The following LYRM4 variants were observed in gnomAD, a reference collection of about 807,000 sequenced individuals.
LYRM4 encodes the protein LYR motif-containing protein 4.
LYRM4 carries 9 observed loss-of-function variants against 11.7 expected under a neutral mutation model. The ratio of observed to expected loss-of-function variants is 0.77; its 90% CI spans 0.46 to 1.34. The LOEUF is 1.34. LYRM4 is among the 40% of genes most tolerant of loss of function. The pLI is 0.00. For synonymous variants in LYRM4, 42 were observed against 40.4 expected (o/e 1.04, Z -0.15); for missense variants, 133 against 112.5 (o/e 1.18, Z -0.82).
chr6:5,178,446 C>T (rs1759848899), intron 2 of LYRM4, among the ~76,000 whole-genome samples: 1 of 143,070 alleles, frequency 7.0e-6, no homozygotes, highest in Non-Finnish European at 1.5e-5. Flanking sequence ...ATTCATAACT[C>T]TTTTTTTTTT....
chr6:5,146,419 G>A (rs971419965), intron 2 of LYRM4, among the ~76,000 whole-genome samples: 3 of 152,102 alleles, frequency 2.0e-5, no homozygotes, highest in South Asian at 2.1e-4. Flanking sequence ...CAGAAATGCC[G>A]AGAAGTTAGA....
chr6:5,218,525 T>C (rs1762407419), intron 1 of LYRM4: 1 of 248,550 alleles, frequency 4.0e-6, no homozygotes, highest in Non-Finnish European at 6.4e-6. Flanking sequence ...CTAAATCTTA[T>C]GATACTAGGA....
intron 2 of LYRM4, among the ~76,000 whole-genome samples, chr6:5,181,720 T>C (rs924757919): frequency 2.0e-5 from 3 of 152,178 alleles, no homozygotes; most frequent in African/African-American, 7.2e-5. Flanking sequence ...AAACATCCCA[T>C]TTCACAACTC....
intron 1 of LYRM4, among the ~76,000 whole-genome samples, chr6:5,248,940 A>G (rs1010341353): frequency 6.6e-6 from 1 of 152,248 alleles, no homozygotes; most frequent in African/African-American, 2.4e-5. Context: ...CAAGCATCAT[A>G]TCAAAGCTAC....
the LYRM4 span, among the ~76,000 whole-genome samples, chr6:5,090,598 G>A: frequency 6.6e-6 from 1 of 152,166 alleles, no homozygotes; most frequent in East Asian, 1.9e-4. The surrounding 1 kb of genome is among the most constrained non-coding windows in gnomAD (Gnocchi z 4.8). Flanking sequence ...AGGGGCAGGG[G>A]ATTTTCTCCT....
chr6:5,206,238 T>A (rs1372161165), intron 2 of LYRM4, among the ~76,000 whole-genome samples: 1 of 152,210 alleles, frequency 6.6e-6, no homozygotes, highest in Non-Finnish European at 1.5e-5. Flanking sequence ...GAAAGGGACC[T>A]TAGAGATACA....
At chr6:5,041,585 C>T in the LYRM4 span, among the ~76,000 whole-genome samples, 5 of 152,170 alleles carry the variant, frequency 3.3e-5, no homozygotes, top group South Asian at 2.1e-4. Context: ...GCCCATGTTT[C>T]GTCTTTCACC....
chr6:5,132,310 C>T (rs385315), intron 2 of LYRM4, among the ~76,000 whole-genome samples: 66,980 of 151,964 alleles, frequency 0.44, 16,690 homozygotes, highest in East Asian at 0.81. Context: ...TATATGGAAC[C>T]AGAGAAACTG....
chr6:5,138,882 T>C (rs745586957), intron 2 of LYRM4: 5 of 596,652 alleles, frequency 8.4e-6, no homozygotes, highest in Non-Finnish European at 1.4e-5. Flanking sequence ...CCTTTAGACA[T>C]AGACATTTTG....
chr6:5,046,382 G>A, the LYRM4 span, among the ~76,000 whole-genome samples: 1 of 152,196 alleles, frequency 6.6e-6, no homozygotes. Context: ...TCCTGACCTC[G>A]TGATCCACCC....
At chr6:5,163,465 C>T (rs1015613347) in intron 2 of LYRM4, among the ~76,000 whole-genome samples, 1 of 151,752 alleles carries the variant, frequency 6.6e-6, no homozygotes, top group Non-Finnish European at 1.5e-5. Context: ...AGCTTTAGAA[C>T]AGGCTTGGCA....
At chr6:5,209,654 T>TTA (rs1050722698) in intron 2 of LYRM4, among the ~76,000 whole-genome samples, 1 of 152,190 alleles carries the variant, frequency 6.6e-6, no homozygotes, top group African/African-American at 2.4e-5. Flanking sequence ...GACCTCATAA[T>TTA]TCCATGGTAA....
At chr6:5,095,995 A>G in the LYRM4 span, among the ~76,000 whole-genome samples, 1 of 151,676 alleles carries the variant, frequency 6.6e-6, no homozygotes, top group Admixed American at 6.6e-5. Flanking sequence ...AACAAAAAAC[A>G]AAAAACAAAA....
At chr6:5,052,855 C>T in the LYRM4 span, among the ~76,000 whole-genome samples, 1 of 152,212 alleles carries the variant, frequency 6.6e-6, no homozygotes, top group Non-Finnish European at 1.5e-5. Context: ...CTCCTACTCA[C>T]TTCACTTTTG....
intron 1 of LYRM4, among the ~76,000 whole-genome samples, chr6:5,217,189 G>T (rs1485003930): frequency 6.6e-6 from 1 of 152,174 alleles, no homozygotes; most frequent in Non-Finnish European, 1.5e-5. Flanking sequence ...GTTACATGAC[G>T]ATCGTATTTG....
chr6:5,130,041 C>T (rs1016374246), intron 2 of LYRM4, among the ~76,000 whole-genome samples: 1 of 152,234 alleles, frequency 6.6e-6, no homozygotes, highest in African/African-American at 2.4e-5. Context: ...GCTCTGGCTA[C>T]AAAAACTAAT....
downstream of LYRM4, chr6:5,103,215 A>T (rs1762555812): frequency 6.6e-6 from 1 of 152,222 alleles, no homozygotes; most frequent in South Asian, 2.1e-4. Flanking sequence ...TCTCTAGATC[A>T]TTTTGTAACA....
rs1049976190 is a variant in LYRM4 at position 5,260,836 on chromosome 6, T to A, written c.-103A>T. 2.0e-6 allele frequency: 3 copies of A among 1,512,242 alleles called. No homozygotes were observed. The highest frequency in any genetic ancestry group is 2.8e-5 in the African/African-American group (2 of 71,322). 93.7% of individuals were successfully genotyped at this position (1,512,242 alleles called of 1,614,324 possible). A position where few individuals can be genotyped will look rare whatever the true frequency, so the allele number is the denominator to read the frequency against. The stretch of plus-strand genomic sequence containing the variant: ...TGCGGAAACCACGAACGAAATAAAA[T>A]GCTGCGGCTCGGCTTTGCCAGCGGG... On this transcript the variant is annotated 5_prime_UTR_variant, in exon 1 of 3. Coordinates refer to ENST00000330636, the MANE Select transcript of LYRM4 (RefSeq NM_020408.6).
At chr6:5,203,182 T>C (rs1761488234) in intron 2 of LYRM4, among the ~76,000 whole-genome samples, 1 of 152,152 alleles carries the variant, frequency 6.6e-6, no homozygotes, top group Non-Finnish European at 1.5e-5. Context: ...GGACATTCCA[T>C]GATGCTCGGA....
Sources: gnomAD v4.1 joint callset for allele counts (sites outside exome capture counted in the v4.1 genomes callset) on GRCh38, gnomAD v4.1.1 for gene constraint, Gnocchi (gnomAD v3.1) non-coding constraint, MANE v1.5 for transcripts, NCBI Gene and HGNC (gene_info 2026-07-23, HGNC 2026-07-21) for gene names.